The following DSC2 variants were observed in gnomAD, a reference collection of about 807,000 sequenced individuals.
DSC2 encodes desmocollin-2.
A neutral mutation model predicts 87.6 loss-of-function variants in DSC2; 51 were observed. The ratio of observed to expected loss-of-function variants is 0.58; its 90% confidence interval spans 0.46 to 0.74. DSC2 has a LOEUF of 0.74. Ranked by LOEUF, DSC2 falls within the 30% of genes least tolerant of loss-of-function variation. The probability of loss-of-function intolerance (pLI) is 0.00; values close to 1 mark genes in which losing one functional copy is unlikely to be tolerated. For missense variants in DSC2, 1,066 were observed against 1,089.5 expected (o/e 0.98, Z 0.30); for synonymous variants, 383 against 393.2 (o/e 0.97, Z 0.31).
At position 31,068,029 on chromosome 18, in the gene DSC2, A is replaced by G. The variant is rs1027240725; in HGVS notation, c.2692T>C (p.Cys898Arg). ...TTAGAACACACTCATCTCTTCATGC[A>G]TGCTTCTGCTAGTGTCCTAAATTTG... ...EPKFRTLAEA[C>R]MKR Residue 898 changes from cysteine (C) to arginine (R), a missense_variant, in exon 16 of 16, where the codon TGC (cysteine) becomes CGC (arginine). By Grantham distance (180) the Cys-to-Arg change is radical. Transcript: ENST00000280904. 5.0e-6 allele frequency: 8 copies of G among 1,613,842 alleles called. 1 individual carries two copies. The South Asian group carries it at 6.6e-5, about 13-fold the overall frequency.
rs753775769 is a variant in DSC2 at position 31,070,728 on chromosome 18, C to G, written c.2248G>C (p.Val750Leu). Residue 750 changes from valine to leucine, a missense_variant and splice_region_variant, in exon 14 of 16, where the codon GTG (valine) becomes CTG (leucine). By Grantham distance (32) the Val-to-Leu change is conservative. Transcript: ENST00000280904. ...ATTTAAAAAGCCAGACTACTTACCA[C>G]TTTGTCATCTCCAGGAGCTTCTGTG... ...SNTEAPGDDK[V>L]YSANGFTTQT... 6.2e-7 allele frequency: 1 copy of G among 1,613,810 alleles called. No individual in the cohort carries two copies. Among genetic ancestry groups the G allele is most frequent in the Non-Finnish European group, 8.5e-7 (1 of 1,179,786 alleles).
intron 7 of DSC2, among the ~76,000 whole-genome samples, chr18:31,083,371 A>G (rs1987296778): frequency 3.3e-5 from 5 of 152,128 alleles, no homozygotes; most frequent in Admixed American, 3.3e-4. Context: ...TTTTTAATCA[A>G]TTTATGAAAA....
At chr18:31,089,347 A>C in intron 5 of DSC2, 92 bp downstream of exon 5, 1 of 1,481,096 alleles carries the variant, frequency 6.8e-7, no homozygotes, top group Non-Finnish European at 9.4e-7. Flanking sequence ...TGACAAACTC[A>C]GAAAGCAGAA....
rs1367771928 is a variant in DSC2 at position 31,059,676 on chromosome 18, A to T, written c.*8339T>A. 6.6e-6 allele frequency: 1 copy of T among 152,122 alleles called. No individual in the cohort carries two copies. The highest frequency in any genetic ancestry group is 1.5e-5 in the Non-Finnish European group (1 of 68,006). 9.4% of individuals were successfully genotyped at this position (152,122 alleles called of 1,614,324 possible). On this transcript the variant is annotated 3_prime_UTR_variant, in exon 16 of 16. Transcript: ENST00000280904. ...GAAACACACAATGAATAAATATTTC[A>T]TTTACCGAGGATTTATCACTCAATA... is the stretch of plus-strand genomic sequence containing the variant.
chr18:31,098,852 T>A (rs1324155888), intron 1 of DSC2, among the ~76,000 whole-genome samples: 1 of 152,198 alleles, frequency 6.6e-6, no homozygotes, highest in East Asian at 1.9e-4. Flanking sequence ...ATTTATTCAT[T>A]GTGACATTAT....
At chr18:31,069,707 C>G (rs528580557) in intron 14 of DSC2, among the ~76,000 whole-genome samples, 134 of 139,016 alleles carry the variant, frequency 9.6e-4, no homozygotes, top group Non-Finnish European at 1.9e-3. Flanking sequence ...AGAGCCAGAT[C>G]TTGTCTCAAA....
intron 14 of DSC2, among the ~76,000 whole-genome samples, chr18:31,069,891 T>C (rs1246513870): frequency 6.6e-6 from 1 of 152,160 alleles, no homozygotes; most frequent in Non-Finnish European, 1.5e-5. Context: ...AATATTTCCA[T>C]TTAGTATCTA....
chr18:31,089,046 T>C (rs1987496886), intron 5 of DSC2, among the ~76,000 whole-genome samples: 1 of 150,964 alleles, frequency 6.6e-6, no homozygotes, highest in African/African-American at 2.4e-5. Context: ...GTGCCTGTGA[T>C]CCCAGCTACT....
chr18:31,068,473 TC>T, intron 15 of DSC2: 1 of 1,003,078 alleles, frequency 1.0e-6, no homozygotes, highest in Admixed American at 2.1e-5. Flanking sequence ...GTCACTACTT[TC>T]CCTTTCAAAA....
chr18:31,076,415 A>G (rs565084958), intron 11 of DSC2, among the ~76,000 whole-genome samples: 1 of 152,342 alleles, frequency 6.6e-6, no homozygotes, highest in East Asian at 1.9e-4. Context: ...CATTTAATAT[A>G]AGCCTGCAAA....
At chr18:31,098,678 C>T (rs942798667) in intron 1 of DSC2, among the ~76,000 whole-genome samples, 4 of 152,170 alleles carry the variant, frequency 2.6e-5, no homozygotes, top group African/African-American at 9.7e-5. Context: ...TGGTCTTGAA[C>T]TCCTGAGCTC....
intron 5 of DSC2, among the ~76,000 whole-genome samples, chr18:31,088,298 A>C (rs2144835397): frequency 6.6e-6 from 1 of 152,340 alleles, no homozygotes; most frequent in African/African-American, 2.4e-5. Context: ...CATTTGGGTA[A>C]GTCTTTTCAA....
intron 1 of DSC2, among the ~76,000 whole-genome samples, chr18:31,099,773 T>C (rs1202658502): frequency 6.6e-6 from 1 of 152,100 alleles, no homozygotes; most frequent in Non-Finnish European, 1.5e-5. Flanking sequence ...GAAGAAACAT[T>C]AAGAAGTGAG....
chr18:31,082,926 A>G lies in DSC2; in HGVS notation c.1077T>C (p.Ser359=), dbSNP rs1292043262. The G allele has an allele frequency of 1.2e-6, 2 of 1,613,164 alleles. No homozygotes were observed. Among genetic ancestry groups the G allele is most frequent in the Non-Finnish European group, 1.7e-6 (2 of 1,179,780 alleles). ...TCTTTAATTAATATCATACACTTAC[A>G]GAAGTACGAGTAAATGTTGGCAAGT... is the stretch of plus-strand genomic sequence containing the variant. ...NDHLPTFTRT[S]YVTSVEENTV... Residue 359 remains serine, a splice_region_variant and synonymous_variant, in exon 8 of 16, where the codon TCT becomes TCC. Coordinates refer to ENST00000280904, the MANE Select transcript of DSC2 (RefSeq NM_024422.6).
At chr18:31,080,065 T>TA in intron 10 of DSC2, 31 bp downstream of exon 10, 1 of 1,613,104 alleles carries the variant, frequency 6.2e-7, no homozygotes, top group Non-Finnish European at 8.5e-7. Context: ...ATAAGCTATA[T>TA]ATTTTAAAAC....
At chr18:31,096,070 A>G (rs1987751142) in intron 1 of DSC2, among the ~76,000 whole-genome samples, 1 of 152,166 alleles carries the variant, frequency 6.6e-6, no homozygotes, top group Admixed American at 6.5e-5. Flanking sequence ...CTTTTTTCCT[A>G]ACGAGAATGA....
In DSC2 at chr18:31,066,806, AT is replaced by A; in HGVS notation, c.*1208del. 6.6e-6 allele frequency: 1 copy of A among 152,252 alleles called. No individual in the cohort carries two copies. The highest frequency in any genetic ancestry group is 2.1e-4 in the South Asian group (1 of 4,826). The allele number at this position is 152,252 out of a possible 1,614,324, so 9.4% of individuals were successfully genotyped here. ...TACAAACACACAGATATGACTAGCCATTTTATCTAAGTTATAAAATAGTTAC... is the reference window on the plus strand; with the variant it reads ...TACAAACACACAGATATGACTAGCCATTTATCTAAGTTATAAAATAGTTAC... On this transcript the variant is annotated 3_prime_UTR_variant, in exon 16 of 16. Transcript: ENST00000280904.
At chr18:31,078,947 A>G (rs972289636) in intron 11 of DSC2, among the ~76,000 whole-genome samples, 1 of 152,146 alleles carries the variant, frequency 6.6e-6, no homozygotes, top group Non-Finnish European at 1.5e-5. Flanking sequence ...ATAATTTTAC[A>G]TTTTATATGA....
chr18:31,087,644 A>G (rs776498323), intron 6 of DSC2, 25 bp downstream of exon 6: 1 of 1,605,682 alleles, frequency 6.2e-7, no homozygotes. Context: ...TTAATTTGCC[A>G]TATATTGTTT....
Sources: allele counts gnomAD v4.1 joint callset (sites outside exome capture counted in the v4.1 genomes callset), GRCh38; gene constraint gnomAD v4.1.1; transcripts MANE v1.5; gene names NCBI Gene and HGNC (gene_info 2026-07-23, HGNC 2026-07-21).